The following CACNB2 variants were observed in gnomAD, a reference collection of about 807,000 sequenced individuals.
CACNB2 encodes the protein calcium voltage-gated channel auxiliary subunit beta 2.
Under a neutral mutation model 73.3 loss-of-function variants are expected in CACNB2, and 42 were observed. The ratio of observed to expected loss-of-function variants is 0.57; its 90% CI spans 0.45 to 0.74. The LOEUF (loss-of-function observed/expected upper bound fraction) is 0.74, where lower values mean the gene tolerates loss of function less well. Among genes scored for constraint, CACNB2 ranks in the 30% least tolerant of loss-of-function variants. The probability of loss-of-function intolerance (pLI) is 0.00; values close to 1 mark genes in which losing one functional copy is unlikely to be tolerated. For synonymous variants in CACNB2, 348 were observed against 310.3 expected, an observed-to-expected ratio of 1.12 and a Z score of -1.28; for missense variants, 940 against 853.0, an observed-to-expected ratio of 1.10 and a Z score of -1.27.
At chr10:18,285,207 G>A (rs139248668) in intron 2 of CACNB2, among the ~76,000 whole-genome samples, 7 of 152,262 alleles carry the variant, frequency 4.6e-5, no homozygotes, top group Admixed American at 4.6e-4. Flanking sequence ...CCTCTCCCTT[G>A]AATCTGGGCT....
At chr10:18,533,949 C>A (rs2053308133) in intron 10 of CACNB2, 127 bp from the exon 11 acceptor site, 1 of 793,844 alleles carries the variant, frequency 1.3e-6, no homozygotes, top group South Asian at 1.6e-5. Context: ...AAATTTTTAT[C>A]AATTCTATTG....
intron 3 of CACNB2, among the ~76,000 whole-genome samples, chr10:18,419,755 T>C (rs757639688): frequency 6.6e-6 from 1 of 152,316 alleles, no homozygotes; most frequent in Non-Finnish European, 1.5e-5. Context: ...GGGAGGAATG[T>C]CCCTATCTTA....
At chr10:18,535,974 T>C (rs1360602619) in intron 11 of CACNB2, 127 bp from the exon 12 acceptor site, 3 of 647,364 alleles carry the variant, frequency 4.6e-6, no homozygotes, top group Non-Finnish European at 5.6e-6. Context: ...GATAATCTTA[T>C]AGCTCCATCT....
intron 2 of CACNB2, among the ~76,000 whole-genome samples, chr10:18,399,438 C>T (rs2043878906): frequency 6.6e-6 from 1 of 152,136 alleles, no homozygotes; most frequent in South Asian, 2.1e-4. Context: ...CAACTGATCA[C>T]TAACTTTCAT....
chr10:18,364,145 C>T (rs1367663931), intron 2 of CACNB2, among the ~76,000 whole-genome samples: 1 of 151,854 alleles, frequency 6.6e-6, no homozygotes, highest in African/African-American at 2.4e-5. Flanking sequence ...GGGGTTTTGC[C>T]ACTTTGGCCA....
intron 3 of CACNB2, among the ~76,000 whole-genome samples, chr10:18,462,162 G>T (rs2047615626): frequency 6.6e-6 from 1 of 152,110 alleles, no homozygotes; most frequent in Non-Finnish European, 1.5e-5. Flanking sequence ...CAAGGATCCT[G>T]GGACAGAATA....
At chr10:18,467,253 A>C (rs1012032255) in intron 3 of CACNB2, among the ~76,000 whole-genome samples, 1 of 152,218 alleles carries the variant, frequency 6.6e-6, no homozygotes, top group African/African-American at 2.4e-5. Flanking sequence ...TGAAATAATA[A>C]ATTCACTTTG....
chr10:18,427,500 T>A (rs971206604), intron 3 of CACNB2, among the ~76,000 whole-genome samples: 2 of 152,160 alleles, frequency 1.3e-5, no homozygotes, highest in Non-Finnish European at 2.9e-5. Flanking sequence ...TCTTAAAGTT[T>A]TTGTTTGTTT....
chr10:18,142,151 A>C (rs1222929474), intron 1 of CACNB2, among the ~76,000 whole-genome samples: 1 of 152,260 alleles, frequency 6.6e-6, no homozygotes, highest in Non-Finnish European at 1.5e-5. Context: ...GTGGCATAGT[A>C]GTCTAGCTTT....
intron 2 of CACNB2, among the ~76,000 whole-genome samples, chr10:18,332,517 A>T (rs998932536): frequency 6.6e-6 from 1 of 152,154 alleles, no homozygotes; most frequent in Non-Finnish European, 1.5e-5. Context: ...GGAAAATCCA[A>T]CCTCGCAGAA....
At chr10:18,322,129 C>G (rs2040420162) in intron 2 of CACNB2, among the ~76,000 whole-genome samples, 1 of 152,102 alleles carries the variant, frequency 6.6e-6, no homozygotes, top group Non-Finnish European at 1.5e-5. Flanking sequence ...CCACTCCAGC[C>G]TGGGCAAGAG....
chr10:18,245,911 G>T (rs1193630325), intron 2 of CACNB2, among the ~76,000 whole-genome samples: 1 of 152,144 alleles, frequency 6.6e-6, no homozygotes, highest in Non-Finnish European at 1.5e-5. Flanking sequence ...TCAGGAGTTG[G>T]GAAGCAATCG....
At chr10:18,404,602 A>C (rs1285083459) in intron 3 of CACNB2, among the ~76,000 whole-genome samples, 1 of 152,220 alleles carries the variant, frequency 6.6e-6, no homozygotes, top group Non-Finnish European at 1.5e-5. Context: ...TCTACAAGTC[A>C]GTGCTTTTAC....
intron 3 of CACNB2, among the ~76,000 whole-genome samples, chr10:18,402,746 C>A (rs746306770): frequency 1.3e-5 from 2 of 152,174 alleles, no homozygotes; most frequent in Non-Finnish European, 2.9e-5. Context: ...GTGGCTATTT[C>A]TAAAGCATAG....
At position 18,338,626 on chromosome 10, in the gene CACNB2, C is replaced by T. The variant is rs527272540; in HGVS notation, c.214-63298C>T. On this transcript the variant is annotated intron_variant, in intron 2 of 13. Coordinates refer to ENST00000324631, the MANE Select transcript of CACNB2 (RefSeq NM_201596.3). ...ATGCATCTAGGTTTTTTCTTTCCTT[C>T]TTTCCCTTCCTTCCTTCTTTCTTTC... is the stretch of plus-strand genomic sequence containing the variant. 2.2e-4 allele frequency among the ~76,000 whole-genome samples: 32 copies of T among 148,516 alleles called. 1 individual carries two copies. The South Asian group carries it at 6.7e-3, about 31-fold the overall frequency.
chr10:18,189,476 A>C (rs2034300463), intron 2 of CACNB2, among the ~76,000 whole-genome samples: 1 of 152,158 alleles, frequency 6.6e-6, no homozygotes. Flanking sequence ...TATTATTTGC[A>C]TTGTTCAGTA....
chr10:18,220,228 T>TAG (rs1399883516), intron 2 of CACNB2, among the ~76,000 whole-genome samples: 7 of 40,934 alleles, frequency 1.7e-4, no homozygotes, highest in South Asian at 8.2e-4. Context: ...TATATATATA[T>TAG]ATATAGAGAG....
intron 2 of CACNB2, among the ~76,000 whole-genome samples, chr10:18,316,770 A>G (rs375461003): frequency 4.7e-4 from 71 of 152,258 alleles, no homozygotes; most frequent in African/African-American, 1.6e-3. Context: ...TCCCTAGGAA[A>G]GATCTTAACC....
Position 18,475,473 on chromosome 10 carries a change from A to T in CACNB2, c.334-22882A>T, listed in dbSNP as rs555275599. On this transcript the variant is annotated intron_variant, in intron 3 of 13. Transcript: ENST00000324631. ...ACACTTTGGAGAGTATAAGAGTTTT[A>T]GGAGCTGCATTCCAGTAAACAGGTG... is the stretch of plus-strand genomic sequence containing the variant. 5.0e-4 allele frequency among the ~76,000 whole-genome samples: 76 copies of T among 152,320 alleles called. 1 individual carries two copies. The highest frequency in any genetic ancestry group is 3.1e-3 in the Admixed American group (48 of 15,290).
Sources: gnomAD v4.1 joint callset for allele counts (sites outside exome capture counted in the v4.1 genomes callset) on GRCh38, gnomAD v4.1.1 for gene constraint, MANE v1.5 for transcripts, NCBI Gene and HGNC (gene_info 2026-07-23, HGNC 2026-07-21) for gene names.